The following CSMD2 variants were observed in gnomAD, a reference collection of about 807,000 sequenced individuals.
The protein encoded by CSMD2 is CUB and sushi domain-containing protein 2.
Under a neutral mutation model 398.5 loss-of-function variants are expected in CSMD2, and 130 were observed. That is an observed-to-expected ratio of 0.33 (90% CI 0.28 to 0.38). The LOEUF (loss-of-function observed/expected upper bound fraction) is 0.38, where lower values mean the gene tolerates loss of function less well. Ranked by LOEUF, CSMD2 falls within the 10% of genes least tolerant of loss-of-function variation. The pLI, the probability that CSMD2 is intolerant of heterozygous loss-of-function variation, is 1.00. For missense variants in CSMD2, 3,829 were observed against 4,764.9 expected, an observed-to-expected ratio of 0.80 and a Z score of 5.78; for synonymous variants, 1,828 against 1,908.5, an observed-to-expected ratio of 0.96 and a Z score of 1.10.
intron 3 of CSMD2, among the ~76,000 whole-genome samples, chr1:33,984,888 A>C (rs145043529): frequency 0.01 from 1,525 of 150,480 alleles, 23 homozygotes; most frequent in African/African-American, 0.035. Context: ...GGCAGGCAGG[A>C]AGGAAGGAAG....
chr1:33,995,886 T>C (rs949815401), intron 3 of CSMD2, among the ~76,000 whole-genome samples: 1 of 152,242 alleles, frequency 6.6e-6, no homozygotes, highest in African/African-American at 2.4e-5. Context: ...TATTCCCAGG[T>C]GTGACTCCAA....
rs1458208014 is a variant in CSMD2, at chr1:33,514,556, C to G, written c.*2068G>C. ...TCCTCGAGCATCTCATGGAACTTTA[C>G]AAGGAGACGCAGGGGAGGGGTGGGG... On this transcript the variant is annotated 3_prime_UTR_variant, in exon 71 of 71. Coordinates refer to ENST00000373381, the MANE Select transcript of CSMD2 (RefSeq NM_001281956.2). 2 of 119,070 alleles carry G rather than the reference C, an allele frequency of 1.7e-5. No individual in the cohort carries two copies. 7.4% of individuals were successfully genotyped at this position (119,070 alleles called of 1,614,324 possible).
At chr1:33,930,016 G>A (rs937494260) in intron 4 of CSMD2, among the ~76,000 whole-genome samples, 7 of 152,190 alleles carry the variant, frequency 4.6e-5, no homozygotes, top group Admixed American at 1.3e-4. Context: ...TATTTGGCGT[G>A]TGTATCTGTT....
chr1:33,569,440 C>T lies in CSMD2; in HGVS notation c.8065G>A (p.Val2689Met), dbSNP rs757053572. Residue 2689 changes from valine to methionine, a missense_variant, in exon 52 of 71, where the codon GTG (valine) becomes ATG (methionine). Physicochemically the swap from Val to Met is conservative, Grantham distance 21. Coordinates refer to ENST00000373381, the MANE Select transcript of CSMD2 (RefSeq NM_001281956.2). ...ATGCACTCACGCACCCTGGAGCCCACCAGTGTGTATCCGGAATTGCAGGAG... is the reference window on the plus strand; with the variant it reads ...ATGCACTCACGCACCCTGGAGCCCATCAGTGTGTATCCGGAATTGCAGGAG... Reference protein sequence around the residue: ...IFSCNSGYTLVGSRVRECMAN... With the variant: ...IFSCNSGYTLMGSRVRECMAN... 1.2e-6 allele frequency: 2 copies of T among 1,614,170 alleles called. No individual in the cohort carries two copies. Among genetic ancestry groups the T allele is most frequent in the South Asian group, 1.1e-5 (1 of 91,074 alleles).
At chr1:33,531,661 C>T (rs1655245931) in intron 64 of CSMD2, among the ~76,000 whole-genome samples, 1 of 152,132 alleles carries the variant, frequency 6.6e-6, no homozygotes, top group Admixed American at 6.5e-5. Context: ...CCGACAGATG[C>T]CACAACATGG....
intron 21 of CSMD2, among the ~76,000 whole-genome samples, chr1:33,711,477 G>A (rs986196520): frequency 1.3e-5 from 2 of 152,156 alleles, no homozygotes; most frequent in African/African-American, 4.8e-5. Context: ...TATAAGATAG[G>A]TAAACATAGG....
chr1:33,606,514 A>C (rs1640622125), intron 41 of CSMD2, among the ~76,000 whole-genome samples: 2 of 152,214 alleles, frequency 1.3e-5, no homozygotes, highest in Non-Finnish European at 1.5e-5. Context: ...TGGGTGTGCC[A>C]AAAACTGAGC....
chr1:33,820,889 C>A (rs779371877), intron 7 of CSMD2, among the ~76,000 whole-genome samples: 1 of 152,090 alleles, frequency 6.6e-6, no homozygotes, highest in African/African-American at 2.4e-5. Context: ...CCCCTGGTGA[C>A]CTCCCCCCAC....
In CSMD2 at chr1:33,742,587, C is replaced by CCT. The variant is rs1202338482; in HGVS notation, c.2173+692_2173+693insAG. Among the ~76,000 whole-genome samples, 160 of 141,446 alleles carry CCT rather than the reference C, an allele frequency of 1.1e-3. 2 individuals are homozygous for CCT. The highest frequency in any genetic ancestry group is 1.3e-3 in the Non-Finnish European group (87 of 65,336). 92.8% of individuals were successfully genotyped at this position (141,446 alleles called of 152,430 possible). A position where few individuals can be genotyped will look rare whatever the true frequency, so the allele number is the denominator to read the frequency against. On this transcript the variant is annotated intron_variant, in intron 14 of 70. Coordinates refer to ENST00000373381, the MANE Select transcript of CSMD2 (RefSeq NM_001281956.2). The stretch of plus-strand genomic sequence containing the variant: ...AGTCACCAAGCTTCTGCCCCCCCCC[C>CCT]CCCAACCCCCTCTGTAACCACGAGA...
chr1:33,533,117 C>T lies in CSMD2; in HGVS notation c.10104G>A (p.Lys3368=). 1 of 1,614,050 alleles carries T rather than the reference C, an allele frequency of 6.2e-7. No individual in the cohort carries two copies. The highest frequency in any genetic ancestry group is 8.5e-7 in the Non-Finnish European group (1 of 1,180,016). ...IYSCQEGFSL[K]GGSEHRTCKA... ...TGCAGGTGCGGTGCTCGGAGCCACC[C>T]TTGAGGGAGAAGCCCTCCTGGCAGG... Residue 3368 remains lysine (K), a synonymous_variant, in exon 64 of 71, where the codon AAG becomes AAA. Coordinates refer to ENST00000373381, the MANE Select transcript of CSMD2 (RefSeq NM_001281956.2). This position sits in a 1 kb window ranked among gnomAD's most constrained non-coding sequence, Gnocchi z 4.2.
At chr1:34,060,550 G>A (rs924909356) in intron 2 of CSMD2, among the ~76,000 whole-genome samples, 6 of 152,044 alleles carry the variant, frequency 3.9e-5, no homozygotes, top group African/African-American at 9.7e-5. Context: ...AGCGTACCTC[G>A]CCCCCAGGCA....
chr1:33,560,139 C>T (rs553973793), intron 53 of CSMD2, among the ~76,000 whole-genome samples: 13 of 152,176 alleles, frequency 8.5e-5, no homozygotes, highest in Non-Finnish European at 1.9e-4. Context: ...CTGCTCTCAG[C>T]TGTTGAGGAG....
At chr1:33,525,076 C>G (rs1557481031) in intron 65 of CSMD2, 33 bp from the exon 66 acceptor site, 2 of 1,610,162 alleles carry the variant, frequency 1.2e-6, no homozygotes, top group Admixed American at 1.7e-5. Context: ...GTGAGAGGGA[C>G]TTTGTGTGTG....
chr1:33,780,479 A>G (rs1233496762), intron 12 of CSMD2, among the ~76,000 whole-genome samples: 2 of 152,104 alleles, frequency 1.3e-5, no homozygotes, highest in Non-Finnish European at 2.9e-5. Context: ...TTCCCTCCCC[A>G]TCTCCTTCCT....
intron 3 of CSMD2, among the ~76,000 whole-genome samples, chr1:34,021,214 A>C (rs371885334): frequency 1.3e-5 from 2 of 152,136 alleles, no homozygotes; most frequent in African/African-American, 4.8e-5. Context: ...TTCTCTCCCC[A>C]CTGATGCTGG....
intron 3 of CSMD2, among the ~76,000 whole-genome samples, chr1:33,941,632 C>T (rs1019324884): frequency 6.6e-6 from 1 of 152,132 alleles, no homozygotes; most frequent in African/African-American, 2.4e-5. Flanking sequence ...GTGCTAGGCA[C>T]TTCTGCATCA....
At chr1:33,827,858 C>A (rs1009178613) in intron 6 of CSMD2, among the ~76,000 whole-genome samples, 4 of 152,210 alleles carry the variant, frequency 2.6e-5, no homozygotes, top group African/African-American at 9.6e-5. Flanking sequence ...TTGTGATCTG[C>A]ACCCAAAGCA....
rs775391355 is a variant in CSMD2 at position 33,635,343 on chromosome 1, C to T, written c.4970-13G>A. 41 of 1,514,660 alleles carry T rather than the reference C, an allele frequency of 2.7e-5. No homozygotes were observed. The highest frequency in any genetic ancestry group is 5.5e-5 in the African/African-American group (4 of 72,874). The allele number at this position is 1,514,660 out of a possible 1,614,324, so 93.8% of individuals were successfully genotyped here. ...CCCCCACAGGGGGCTGAAAGAGAAA[C>T]CAGATAGAGAGTCAGGTGACCTTGT... is the stretch of plus-strand genomic sequence containing the variant. On this transcript the variant is annotated splice_polypyrimidine_tract_variant and intron_variant, in intron 30 of 70. Transcript: ENST00000373381. This position sits in a 1 kb window ranked among gnomAD's most constrained non-coding sequence, Gnocchi z 5.0.
chr1:33,755,339 G>A (rs1257881211), intron 13 of CSMD2, among the ~76,000 whole-genome samples: 2 of 152,302 alleles, frequency 1.3e-5, no homozygotes, highest in Non-Finnish European at 2.9e-5. Flanking sequence ...CCTGGTGAAA[G>A]TTATCATTTA....
Sources: allele counts gnomAD v4.1 joint callset (sites outside exome capture counted in the v4.1 genomes callset), GRCh38; gene constraint gnomAD v4.1.1; non-coding constraint Gnocchi (gnomAD v3.1); transcripts MANE v1.5; gene names NCBI Gene and HGNC (gene_info 2026-07-23, HGNC 2026-07-21).